TMEM132C: variants seen among roughly 807,000 people sequenced by gnomAD.
The protein encoded by TMEM132C is transmembrane protein 132C.
TMEM132C carries 29 observed loss-of-function variants against 61.4 expected under a neutral mutation model. The observed-to-expected ratio is 0.47, with a 90% CI of 0.35 to 0.64. The LOEUF (loss-of-function observed/expected upper bound fraction) is 0.64. TMEM132C is among the 30% of genes least tolerant of loss of function. The probability of loss-of-function intolerance (pLI) is 0.00; values close to 1 mark genes in which losing one functional copy is unlikely to be tolerated. For missense variants in TMEM132C, 1,408 were observed against 1,476.9 expected, an observed-to-expected ratio of 0.95 and a Z score of 0.76; for synonymous variants, 656 against 633.1, an observed-to-expected ratio of 1.04 and a Z score of -0.54.
rs544338109 is a variant in TMEM132C, at chr12:128,624,035, T to A, written c.1305+7700T>A. ...CCCAGGAGGGAACACCATGCCACAG[T>A]GTTGATTAATGACAGCCTTTCTCAT... On this transcript the variant is annotated intron_variant, in intron 4 of 8. Coordinates refer to ENST00000435159, the MANE Select transcript of TMEM132C (RefSeq NM_001136103.3). Among the ~76,000 whole-genome samples the A allele has an allele frequency of 2.0e-5, 3 of 152,246 alleles. No individual in the cohort carries two copies. In the East Asian group the frequency reaches 5.8e-4, roughly 29 times the overall value.
chr12:128,271,289 A>ATAATAC (rs1329616475), intron 1 of TMEM132C, among the ~76,000 whole-genome samples: 1 of 147,196 alleles, frequency 6.8e-6, no homozygotes, highest in Non-Finnish European at 1.5e-5. Flanking sequence ...AATAATAATA[A>ATAATAC]TAATAATAAT....
At chr12:128,296,937 C>T (rs1199910579) in intron 1 of TMEM132C, among the ~76,000 whole-genome samples, 1 of 152,124 alleles carries the variant, frequency 6.6e-6, no homozygotes, top group African/African-American at 2.4e-5. Flanking sequence ...TAGATTTAGA[C>T]TAGACTTCCC....
At chr12:128,285,637 TTC>T (rs140507851) in intron 1 of TMEM132C, among the ~76,000 whole-genome samples, 1,419 of 131,998 alleles carry the variant, frequency 0.011, 49 homozygotes, top group African/African-American at 0.04. Context: ...GACATATTCA[TTC>T]TCTCTCTCTC....
intron 4 of TMEM132C, among the ~76,000 whole-genome samples, chr12:128,631,286 T>C (rs1954063049): frequency 6.6e-6 from 1 of 152,234 alleles, no homozygotes; most frequent in Non-Finnish European, 1.5e-5. Context: ...TAATTTTAAT[T>C]AATTTTAACA....
intron 1 of TMEM132C, among the ~76,000 whole-genome samples, chr12:128,294,991 A>ATAGATAGATAGG (rs1555251002): frequency 2.7e-5 from 4 of 149,424 alleles, no homozygotes; most frequent in Admixed American, 6.7e-5. Flanking sequence ...TAAATAATAG[A>ATAGATAGATAGG]TAGATAGATA....
At chr12:128,606,786 A>C (rs1001661613) in intron 3 of TMEM132C, among the ~76,000 whole-genome samples, 1 of 152,190 alleles carries the variant, frequency 6.6e-6, no homozygotes, top group Non-Finnish European at 1.5e-5. Context: ...CAAGCGACTT[A>C]TCAAAGGGGC....
intron 1 of TMEM132C, among the ~76,000 whole-genome samples, chr12:128,329,749 G>T (rs1872623165): frequency 6.6e-6 from 1 of 152,164 alleles, no homozygotes; most frequent in Non-Finnish European, 1.5e-5. Flanking sequence ...GGACCCCATG[G>T]AGAAGGCATG....
At chr12:128,552,147 C>CT (rs1429668627) in intron 3 of TMEM132C, among the ~76,000 whole-genome samples, 2 of 152,362 alleles carry the variant, frequency 1.3e-5, no homozygotes, top group African/African-American at 4.8e-5. Context: ...TGCACCTGTG[C>CT]TGTTAGGTGC....
intron 1 of TMEM132C, among the ~76,000 whole-genome samples, chr12:128,344,706 T>C (rs377034778): frequency 4.1e-4 from 62 of 152,304 alleles, no homozygotes; most frequent in African/African-American, 1.4e-3. Context: ...GATTTGCATT[T>C]CCTGAATCAC....
intron 5 of TMEM132C, among the ~76,000 whole-genome samples, chr12:128,673,470 C>T (rs191038224): frequency 4.5e-4 from 69 of 152,324 alleles, no homozygotes; most frequent in Non-Finnish European, 7.5e-4. Context: ...GCAGGCCAAC[C>T]TGACTTAAGA....
chr12:128,624,045 T>G (rs1953991703), intron 4 of TMEM132C, among the ~76,000 whole-genome samples: 1 of 152,184 alleles, frequency 6.6e-6, no homozygotes, highest in Non-Finnish European at 1.5e-5. Flanking sequence ...TGTTGATTAA[T>G]GACAGCCTTT....
At chr12:128,386,611 A>G (rs1874589622) in intron 1 of TMEM132C, among the ~76,000 whole-genome samples, 1 of 152,184 alleles carries the variant, frequency 6.6e-6, no homozygotes, top group Admixed American at 6.5e-5. Context: ...TCGTGGCAGT[A>G]CCCACTCTGG....
chr12:128,483,748 A>G (rs2136093436), intron 2 of TMEM132C, among the ~76,000 whole-genome samples: 1 of 152,270 alleles, frequency 6.6e-6, no homozygotes, highest in South Asian at 2.1e-4. Context: ...GGGGTTGTGA[A>G]ACATAGCCAT....
chr12:128,479,024 A>C lies in TMEM132C; in HGVS notation c.974+63404A>C, dbSNP rs147160066. 2.2e-4 allele frequency among the ~76,000 whole-genome samples: 34 copies of C among 152,344 alleles called. 1 individual carries two copies. The highest frequency in any genetic ancestry group is 6.7e-4 in the African/African-American group (28 of 41,598). ...GGATCTACATACATGTAGGTGGCCTAAGAGTAGGGGCTGGCAAGAACAACA... is the reference window on the plus strand; with the variant it reads ...GGATCTACATACATGTAGGTGGCCTCAGAGTAGGGGCTGGCAAGAACAACA... On this transcript the variant is annotated intron_variant, in intron 2 of 8. Transcript: ENST00000435159.
At chr12:128,343,894 A>G (rs1365447066) in intron 1 of TMEM132C, among the ~76,000 whole-genome samples, 2 of 152,216 alleles carry the variant, frequency 1.3e-5, no homozygotes, top group African/African-American at 4.8e-5. Flanking sequence ...ACAAAACTTC[A>G]TACAACACAA....
intron 4 of TMEM132C, among the ~76,000 whole-genome samples, chr12:128,623,733 G>A (rs868418491): frequency 6.6e-6 from 1 of 152,018 alleles, no homozygotes; most frequent in African/African-American, 2.4e-5. Context: ...ACTTGAACCT[G>A]GGAGGCAGAG....
chr12:128,670,235 T>A (rs1954518577), intron 5 of TMEM132C, among the ~76,000 whole-genome samples: 1 of 152,072 alleles, frequency 6.6e-6, no homozygotes, highest in African/African-American at 2.4e-5. Flanking sequence ...CTTGAACCCA[T>A]GAGGCAGAGG....
chr12:128,629,253 G>A (rs1011315403), intron 4 of TMEM132C, among the ~76,000 whole-genome samples: 1 of 152,142 alleles, frequency 6.6e-6, no homozygotes, highest in Non-Finnish European at 1.5e-5. Flanking sequence ...AGTGGCTCAC[G>A]CCTATAATTC....
intron 8 of TMEM132C, among the ~76,000 whole-genome samples, chr12:128,698,291 A>G (rs1013131229): frequency 5.9e-5 from 9 of 152,238 alleles, no homozygotes; most frequent in African/African-American, 1.7e-4. Flanking sequence ...GAGAGCAGGG[A>G]GAGTTATCCA....
Sources: gnomAD v4.1 joint callset for allele counts (sites outside exome capture counted in the v4.1 genomes callset) on GRCh38, gnomAD v4.1.1 for gene constraint, MANE v1.5 for transcripts, NCBI Gene and HGNC (gene_info 2026-07-23, HGNC 2026-07-21) for gene names.